Variants in PHLPP2 observed in about 807,000 individuals in gnomAD.
The protein encoded by PHLPP2 is PH domain and leucine rich repeat protein phosphatase 2, also known as PH domain leucine-rich repeat-containing protein phosphatase 2.
PHLPP2 carries 66 observed loss-of-function variants against 124.9 expected under a neutral mutation model. The ratio of observed to expected loss-of-function variants is 0.53; its 90% CI spans 0.43 to 0.65. The LOEUF (loss-of-function observed/expected upper bound fraction) is 0.65, where lower values mean the gene tolerates loss of function less well. PHLPP2 is among the 30% of genes least tolerant of loss of function. The pLI, the probability that PHLPP2 is intolerant of heterozygous loss-of-function variation, is 0.00. For missense variants in PHLPP2, 1,685 were observed against 1,600.4 expected (o/e 1.05, Z -0.90); for synonymous variants, 681 against 624.7 (o/e 1.09, Z -1.34).
rs147192446 is a variant in PHLPP2, at chr16:71,649,778, C to T, written c.3084G>A (p.Ala1028=). The change falls in exon 19 of 19, where the codon GCG becomes GCA. Residue 1028 remains alanine, a synonymous_variant. Transcript: ENST00000568954. The part of the protein sequence containing the change: ...QSYGCQDNVG[A]MVVYLNIGEE... ...CACCAATATTCAAATAAACTACCAT[C>T]GCCCCTACATTGTCCTGACAGCCAT... 45 of 1,614,260 alleles carry T rather than the reference C, an allele frequency of 2.8e-5. No individual in the cohort carries two copies. Among genetic ancestry groups the T allele is most frequent in the African/African-American group, 6.7e-5 (5 of 75,078 alleles).
chr16:71,692,320 C>A (rs973940187), intron 3 of PHLPP2, among the ~76,000 whole-genome samples: 12 of 152,222 alleles, frequency 7.9e-5, no homozygotes, highest in African/African-American at 2.6e-4. Flanking sequence ...CCGCCTGCCT[C>A]GGCCTCCCAA....
chr16:71,653,753 T>A (rs970048015), intron 17 of PHLPP2, among the ~76,000 whole-genome samples: 1 of 152,204 alleles, frequency 6.6e-6, no homozygotes, highest in African/African-American at 2.4e-5. Flanking sequence ...GGAGTTCCCT[T>A]TCCTAAACCC....
intron 17 of PHLPP2, among the ~76,000 whole-genome samples, chr16:71,654,222 A>AAAAAAAAAC (rs2044723362): frequency 6.7e-6 from 1 of 149,912 alleles, no homozygotes; most frequent in African/African-American, 2.4e-5. Context: ...AAAAAAAAAA[A>AAAAAAAAAC]AAAAAACTAG....
At chr16:71,660,121 C>T (rs2044775716) in intron 13 of PHLPP2, among the ~76,000 whole-genome samples, 1 of 151,834 alleles carries the variant, frequency 6.6e-6, no homozygotes, top group South Asian at 2.1e-4. Context: ...AATGCTACTT[C>T]ATTAAAATAA....
rs1386209090 is a variant in PHLPP2 at position 71,649,140 on chromosome 16, G to C, written c.3722C>G (p.Ser1241Cys). Residue 1241 changes from serine (S) to cysteine (C), a missense_variant, in exon 19 of 19, where the codon TCC (serine) becomes TGC (cysteine). Physicochemically the swap from Ser to Cys is moderately radical, Grantham distance 112 (BLOSUM62 -1). Transcript: ENST00000568954. ...CTCTAGGGGCACAATAGAGCCATTG[G>C]AGAGTTTCTTCCCATAGAGGCAGGA... ...STSCLYGKKLSNGSIVPLEDS... is the reference protein window; with the variant it reads ...STSCLYGKKLCNGSIVPLEDS... 6.2e-7 allele frequency: 1 copy of C among 1,614,152 alleles called. No homozygotes were observed. The highest frequency in any genetic ancestry group is 2.2e-5 in the East Asian group (1 of 44,880).
chr16:71,662,537 C>T (rs1191032508), intron 13 of PHLPP2, among the ~76,000 whole-genome samples: 1 of 152,050 alleles, frequency 6.6e-6, no homozygotes, highest in Non-Finnish European at 1.5e-5. Context: ...CAAGTTTCTC[C>T]TGTATGTCTT....
At chr16:71,672,768 A>T (rs2044906596) in intron 9 of PHLPP2, among the ~76,000 whole-genome samples, 1 of 152,232 alleles carries the variant, frequency 6.6e-6, no homozygotes, top group Non-Finnish European at 1.5e-5. Context: ...GCTCCCTGGG[A>T]ACTGCCCCAT....
At chr16:71,673,307 A>G (rs1444310033) in intron 9 of PHLPP2, among the ~76,000 whole-genome samples, 2 of 152,200 alleles carry the variant, frequency 1.3e-5, no homozygotes, top group Non-Finnish European at 2.9e-5. Context: ...GGTTGTACCA[A>G]TTTACACTCC....
chr16:71,700,422 A>T (rs900190085), intron 3 of PHLPP2, among the ~76,000 whole-genome samples: 24 of 145,248 alleles, frequency 1.7e-4, no homozygotes, highest in Admixed American at 1.0e-3. Flanking sequence ...ATAAAAAATT[A>T]AAAAAAAAAA....
intron 3 of PHLPP2, 53 bp downstream of exon 3, chr16:71,702,545 C>G: frequency 6.8e-7 from 1 of 1,467,704 alleles, no homozygotes; most frequent in Non-Finnish European, 9.3e-7. Flanking sequence ...ATAAGAGGCA[C>G]AAATGATCAA....
chr16:71,675,234 C>A (rs771422229), intron 9 of PHLPP2, among the ~76,000 whole-genome samples: 6 of 152,286 alleles, frequency 3.9e-5, no homozygotes, highest in South Asian at 2.1e-4. Flanking sequence ...TGGAAACACT[C>A]AGAATTACCT....
intron 13 of PHLPP2, among the ~76,000 whole-genome samples, chr16:71,661,392 ACTT>A (rs1456754362): frequency 1.3e-5 from 2 of 151,784 alleles, no homozygotes; most frequent in African/African-American, 2.4e-5. Flanking sequence ...TTTATTACTA[ACTT>A]CTTATTTTCA....
At chr16:71,700,331 G>C (rs1480133973) in intron 3 of PHLPP2, among the ~76,000 whole-genome samples, 1 of 151,816 alleles carries the variant, frequency 6.6e-6, no homozygotes, top group Non-Finnish European at 1.5e-5. Flanking sequence ...TTTGGGCCCA[G>C]GAGGTTGAGG....
intron 2 of PHLPP2, among the ~76,000 whole-genome samples, chr16:71,704,503 G>T (rs2045259636): frequency 6.6e-6 from 1 of 151,738 alleles, no homozygotes; most frequent in Non-Finnish European, 1.5e-5. Context: ...TGATAATTTT[G>T]GAACAGAAAT....
At chr16:71,659,051 G>A (rs1328383873) in intron 13 of PHLPP2, among the ~76,000 whole-genome samples, 1 of 152,154 alleles carries the variant, frequency 6.6e-6, no homozygotes, top group Non-Finnish European at 1.5e-5. Flanking sequence ...GTTGGATCTT[G>A]TGGGCAGGAA....
intron 5 of PHLPP2, among the ~76,000 whole-genome samples, chr16:71,683,701 A>C (rs963614190): frequency 2.0e-5 from 3 of 152,206 alleles, no homozygotes. Context: ...GAATTCCATG[A>C]TTTTACTCAT....
intron 3 of PHLPP2, among the ~76,000 whole-genome samples, chr16:71,696,124 T>C (rs2045167284): frequency 1.3e-5 from 2 of 152,158 alleles, no homozygotes; most frequent in Admixed American, 1.3e-4. Context: ...ATAAAAATAA[T>C]TGTATTAGGG....
At chr16:71,696,058 CAATA>C (rs1036616902) in intron 3 of PHLPP2, among the ~76,000 whole-genome samples, 25 of 151,540 alleles carry the variant, frequency 1.6e-4, no homozygotes, top group Non-Finnish European at 1.5e-5. Flanking sequence ...AATATATGAA[CAATA>C]AATAAAAATA....
In PHLPP2 at chr16:71,669,156, C is replaced by T. The variant is rs528187316; in HGVS notation, c.1628+119G>A. The stretch of plus-strand genomic sequence containing the variant: ...TTACAGCACATCACACTGCCTCATG[C>T]TCAGCAGGTACTCAACACACTGAAC... On this transcript the variant is annotated intron_variant, in intron 11 of 18. Transcript: ENST00000568954. The T allele has an allele frequency of 5.2e-5, 33 of 637,784 alleles. No homozygotes were observed. In the African/African-American group the frequency reaches 5.7e-4, roughly 11 times the overall value. 39.5% of individuals were successfully genotyped at this position (637,784 alleles called of 1,614,324 possible). A position where few individuals can be genotyped will look rare whatever the true frequency, so the allele number is the denominator to read the frequency against.
Sources: allele counts gnomAD v4.1 joint callset (sites outside exome capture counted in the v4.1 genomes callset), GRCh38; gene constraint gnomAD v4.1.1; transcripts MANE v1.5; gene names NCBI Gene and HGNC (gene_info 2026-07-23, HGNC 2026-07-21).